RND3: variants seen among roughly 807,000 people sequenced by gnomAD.
The protein encoded by RND3 is Rho family GTPase 3, also known as rho-related GTP-binding protein RhoE.
A neutral mutation model predicts 26.5 loss-of-function variants in RND3; 8 were observed. The ratio of observed to expected loss-of-function variants is 0.30; its 90% confidence interval spans 0.18 to 0.54. The LOEUF is 0.54. RND3 is among the 20% of genes least tolerant of loss of function. The pLI is 0.94. For missense variants in RND3, 207 were observed against 302.8 expected (o/e 0.68, Z 2.35); for synonymous variants, 113 against 113.0 (o/e 1.00, Z 0.00).
Position 150,486,877 on chromosome 2 carries a change from C to T in RND3, c.151-96G>A. 1 of 884,706 alleles carries T rather than the reference C, an allele frequency of 1.1e-6. No homozygotes were observed. The highest frequency in any genetic ancestry group is 1.3e-5 in the South Asian group (1 of 75,860). The allele number at this position is 884,706 out of a possible 1,614,324, so 54.8% of individuals were successfully genotyped here. A position where few individuals can be genotyped will look rare whatever the true frequency, so the allele number is the denominator to read the frequency against. On this transcript the variant is annotated intron_variant, in intron 2 of 5. Coordinates refer to ENST00000263895, the MANE Select transcript of RND3 (RefSeq NM_005168.5). The surrounding 1 kb of genome is among the most constrained non-coding windows in gnomAD (Gnocchi z 4.5). ...ATTGAACACCCTTCCCCTCCCCGCT[C>T]CCCAGTTAAGAAAGAAAACCTTCAC...
At position 150,469,885 on chromosome 2, in the gene RND3, T is replaced by C; in HGVS notation, c.*102A>G. 7.3e-7 allele frequency: 1 copy of C among 1,360,654 alleles called. No individual in the cohort carries two copies. Among genetic ancestry groups the C allele is most frequent in the Non-Finnish European group, 1.0e-6 (1 of 987,016 alleles). 84.3% of individuals were successfully genotyped at this position (1,360,654 alleles called of 1,614,324 possible). On this transcript the variant is annotated 3_prime_UTR_variant, in exon 6 of 6. Transcript: ENST00000263895. ...TCTCAAACGCCTCCTAAGCCTCTGG[T>C]ATACATGACTTTGGCTGTGCACTTC...
chr2:150,476,379 C>A (rs1686165290), intron 3 of RND3, among the ~76,000 whole-genome samples: 1 of 152,176 alleles, frequency 6.6e-6, no homozygotes, highest in Non-Finnish European at 1.5e-5. Flanking sequence ...GGGGCATCGC[C>A]CTCTATTCAC....
rs544445725 is a variant in RND3, at chr2:150,486,583, C to G, written c.238+111G>C. 1 of 819,322 alleles carries G rather than the reference C, an allele frequency of 1.2e-6. No homozygotes were observed. The highest frequency in any genetic ancestry group is 1.7e-5 in the African/African-American group (1 of 59,900). The allele number at this position is 819,322 out of a possible 1,614,324, so 50.8% of individuals were successfully genotyped here. A position where few individuals can be genotyped will look rare whatever the true frequency, so the allele number is the denominator to read the frequency against. On this transcript the variant is annotated intron_variant, in intron 3 of 5. Transcript: ENST00000263895. The surrounding 1 kb of genome is among the most constrained non-coding windows in gnomAD (Gnocchi z 4.5). ...TTCGCCCAACAGGGACCGTGGGAAT[C>G]CCTTGGGAGGGGCGCAGACGGCTTG...
chr2:150,477,947 A>G (rs1528430), intron 3 of RND3, among the ~76,000 whole-genome samples: 1 of 151,876 alleles, frequency 6.6e-6, no homozygotes, highest in Non-Finnish European at 1.5e-5. Flanking sequence ...TCCAAAGGTA[A>G]TAGTAAAACT....
chr2:150,480,289 T>C (rs1008815198), intron 3 of RND3, among the ~76,000 whole-genome samples: 1 of 152,180 alleles, frequency 6.6e-6, no homozygotes, highest in African/African-American at 2.4e-5. Flanking sequence ...AGGCTCATTT[T>C]TCAAAACCAA....
intron 3 of RND3, among the ~76,000 whole-genome samples, chr2:150,480,641 A>C (rs1002818800): frequency 1.5e-4 from 21 of 143,706 alleles, no homozygotes; most frequent in African/African-American, 5.0e-4. Context: ...GAAAAAAAAC[A>C]GCACTAAATG....
At position 150,477,082 on chromosome 2, in the gene RND3, G is replaced by A. The variant is rs544913149; in HGVS notation, c.239-2098C>T. Among the ~76,000 whole-genome samples, 4 of 152,206 alleles carry A rather than the reference G, an allele frequency of 2.6e-5. No homozygotes were observed. In the East Asian group the frequency reaches 5.8e-4, roughly 22 times the overall value. ...GTTTCCTCTACTCCTCAAAGTCCGC[G>A]AGAGACAACCTGATCCCAGACCCAG... On this transcript the variant is annotated intron_variant, in intron 3 of 5. Transcript: ENST00000263895.
intron 3 of RND3, among the ~76,000 whole-genome samples, chr2:150,480,152 A>G (rs1185313293): frequency 6.6e-6 from 1 of 152,238 alleles, no homozygotes; most frequent in Non-Finnish European, 1.5e-5. Flanking sequence ...GAGTATATGT[A>G]TATGAATATG....
intron 3 of RND3, among the ~76,000 whole-genome samples, chr2:150,484,813 C>A (rs539186297): frequency 1.5e-4 from 23 of 152,290 alleles, no homozygotes; most frequent in Non-Finnish European, 3.2e-4. Context: ...GAGCTAAGAT[C>A]TAAACACAGC....
chr2:150,469,044 CTG>C lies in RND3; in HGVS notation c.*941_*942del, dbSNP rs766181141. ...AATTCCAGACAGCTTTACTCACAAACTGTGCTTTCTGCTACTATTCTTTCCTT... is the reference window on the plus strand; with the variant it reads ...AATTCCAGACAGCTTTACTCACAAACTGCTTTCTGCTACTATTCTTTCCTT... On this transcript the variant is annotated 3_prime_UTR_variant, in exon 6 of 6. Transcript: ENST00000263895. 1 of 152,648 alleles carries C rather than the reference CTG, an allele frequency of 6.6e-6. No individual in the cohort carries two copies. Among genetic ancestry groups the C allele is most frequent in the Non-Finnish European group, 1.5e-5 (1 of 68,030 alleles). 9.5% of individuals were successfully genotyped at this position (152,648 alleles called of 1,614,324 possible).
At chr2:150,478,578 G>C (rs949927466) in intron 3 of RND3, among the ~76,000 whole-genome samples, 4 of 74,172 alleles carry the variant, frequency 5.4e-5, no homozygotes, top group Non-Finnish European at 1.0e-4. Flanking sequence ...AAGCCAAACG[G>C]CAAAAAAAAA....
rs963052702 is a variant in RND3, at chr2:150,486,166, C to A, written c.238+528G>T. 1.3e-5 allele frequency among the ~76,000 whole-genome samples: 2 copies of A among 152,034 alleles called. No homozygotes were observed. Among genetic ancestry groups the A allele is most frequent in the African/African-American group, 4.8e-5 (2 of 41,410 alleles). On this transcript the variant is annotated intron_variant, in intron 3 of 5. Coordinates refer to ENST00000263895, the MANE Select transcript of RND3 (RefSeq NM_005168.5). The surrounding 1 kb of genome is among the most constrained non-coding windows in gnomAD (Gnocchi z 4.5). ...AGCGCATTCCTGGGTGTAGGCGTCA[C>A]GGGCGCCGCGGCTGCCTGCGCTCAG... is the stretch of plus-strand genomic sequence containing the variant.
Position 150,486,674 on chromosome 2 carries a change from C to T in RND3, c.238+20G>A. 6.4e-7 allele frequency: 1 copy of T among 1,569,540 alleles called. No individual in the cohort carries two copies. The highest frequency in any genetic ancestry group is 8.8e-7 in the Non-Finnish European group (1 of 1,139,348). ...GACTGGAAACCCGCCCCAAGCGCCA[C>T]GCGGTCCTCCCACTCTTACCCGAAG... On this transcript the variant is annotated intron_variant, in intron 3 of 5. Coordinates refer to ENST00000263895, the MANE Select transcript of RND3 (RefSeq NM_005168.5). The surrounding 1 kb of genome is among the most constrained non-coding windows in gnomAD (Gnocchi z 4.5).
chr2:150,472,969 A>G (rs1181749214), intron 4 of RND3, among the ~76,000 whole-genome samples: 2 of 151,790 alleles, frequency 1.3e-5, no homozygotes, highest in East Asian at 3.9e-4. Flanking sequence ...ATAAGAGCCC[A>G]TTTTGTCCAC....
At chr2:150,477,172 C>T (rs1300372097) in intron 3 of RND3, among the ~76,000 whole-genome samples, 1 of 152,076 alleles carries the variant, frequency 6.6e-6, no homozygotes, top group African/African-American at 2.4e-5. Flanking sequence ...ATCTCCTTTC[C>T]CAGAAATCAC....
At chr2:150,487,199 G>A (rs1686389525) in intron 2 of RND3, 69 bp downstream of exon 2, 1 of 1,148,718 alleles carries the variant, frequency 8.7e-7, no homozygotes, top group Non-Finnish European at 1.2e-6. Flanking sequence ...TGAAAGCGGG[G>A]AGGCCCACCT....
chr2:150,479,660 C>T (rs1384685815), intron 3 of RND3, among the ~76,000 whole-genome samples: 1 of 152,200 alleles, frequency 6.6e-6, no homozygotes, highest in African/African-American at 2.4e-5. Context: ...ATGATCTGCC[C>T]AATTATTACA....
intron 4 of RND3, among the ~76,000 whole-genome samples, chr2:150,473,553 G>C (rs1026290580): frequency 6.6e-6 from 1 of 152,106 alleles, no homozygotes; most frequent in Non-Finnish European, 1.5e-5. Context: ...GTGTATTCCT[G>C]CCTGGATTTG....
intron 3 of RND3, among the ~76,000 whole-genome samples, chr2:150,484,426 G>C (rs1304871547): frequency 1.3e-5 from 2 of 152,180 alleles, no homozygotes. Flanking sequence ...AATATCCATT[G>C]GTGGTCCTGT....
Sources: allele counts gnomAD v4.1 joint callset (sites outside exome capture counted in the v4.1 genomes callset), GRCh38; gene constraint gnomAD v4.1.1; non-coding constraint Gnocchi (gnomAD v3.1); transcripts MANE v1.5; gene names NCBI Gene and HGNC (gene_info 2026-07-23, HGNC 2026-07-21).